RSPH14: variants seen among roughly 807,000 people sequenced by gnomAD.
RSPH14 encodes radial spoke head 14 homolog, also known as rhabdoid tumor deletion region gene 1.
RSPH14 carries 20 observed loss-of-function variants against 26.7 expected under a neutral mutation model. That is an observed-to-expected ratio of 0.75 (90% confidence interval 0.53 to 1.09). RSPH14 has a LOEUF of 1.09. RSPH14 is among the 50% of genes least tolerant of loss of function. The pLI is 0.00. For missense variants in RSPH14, 449 were observed against 457.2 expected (o/e 0.98, Z 0.16); for synonymous variants, 177 against 189.3 (o/e 0.93, Z 0.53).
upstream of RSPH14, among the ~76,000 whole-genome samples, chr22:23,148,443 C>T (rs558562758): frequency 3.9e-5 from 6 of 152,160 alleles, no homozygotes; most frequent in Non-Finnish European, 7.4e-5. Context: ...AGGAGGGTTG[C>T]CTGACATCAC....
At chr22:23,066,758 G>C (rs542636161) in intron 4 of RSPH14, among the ~76,000 whole-genome samples, 2 of 152,262 alleles carry the variant, frequency 1.3e-5, no homozygotes, top group Admixed American at 6.5e-5. Flanking sequence ...CGCTGGGGGT[G>C]GGGGGTGGTT....
At chr22:23,059,923 T>C (rs1569150529) in intron 6 of RSPH14, among the ~76,000 whole-genome samples, 2 of 152,232 alleles carry the variant, frequency 1.3e-5, no homozygotes, top group African/African-American at 4.8e-5. Flanking sequence ...ATCTCCTGCC[T>C]TTCCGGCCTC....
chr22:23,167,702 A>C, the RSPH14 span, among the ~76,000 whole-genome samples: 6 of 150,508 alleles, frequency 4.0e-5, no homozygotes, highest in East Asian at 1.2e-3. Context: ...CTCTTTTTTT[A>C]ATTAATTTAT....
chr22:23,130,222 G>A lies in RSPH14; in HGVS notation c.421+3804C>T, dbSNP rs538067269. On this transcript the variant is annotated intron_variant, in intron 4 of 6. Transcript: ENST00000216036. ...TGTAATCCCAGCACTTTGGGAGGCC[G>A]AGGCAGGCGGATCATGAGGTCAGGA... Among the ~76,000 whole-genome samples the A allele has an allele frequency of 9.8e-3, 1,483 of 151,568 alleles. 13 individuals are homozygous for A. The highest frequency in any genetic ancestry group is 0.015 in the Non-Finnish European group (991 of 67,858).
intron 1 of RSPH14, among the ~76,000 whole-genome samples, chr22:23,140,692 A>G (rs1379564784): frequency 6.6e-6 from 1 of 152,250 alleles, no homozygotes; most frequent in Non-Finnish European, 1.5e-5. Context: ...CCCACACAAT[A>G]GTGCTTCACA....
chr22:23,131,676 T>C (rs1182234426), intron 4 of RSPH14: 1 of 1,298,318 alleles, frequency 7.7e-7, no homozygotes. Flanking sequence ...TTCCTCAGGT[T>C]CCTGCATGGT....
chr22:23,105,169 C>T (rs1053687448), intron 4 of RSPH14, among the ~76,000 whole-genome samples: 1 of 152,198 alleles, frequency 6.6e-6, no homozygotes, highest in Non-Finnish European at 1.5e-5. Flanking sequence ...ACGGCCACAG[C>T]CCCACACACC....
chr22:23,088,878 C>T (rs1396909400), intron 4 of RSPH14, among the ~76,000 whole-genome samples: 1 of 152,230 alleles, frequency 6.6e-6, no homozygotes, highest in African/African-American at 2.4e-5. Context: ...CTTCTGTTAC[C>T]AGCAAAGGTG....
At chr22:23,145,643 C>T (rs1345775759), upstream of RSPH14, 6 of 1,361,558 alleles carry the variant, frequency 4.4e-6, no homozygotes, top group East Asian at 5.0e-5. Flanking sequence ...GCACAGCGTC[C>T]GCGCCCACTT....
intron 4 of RSPH14, among the ~76,000 whole-genome samples, chr22:23,073,805 G>A (rs2068437914): frequency 6.6e-6 from 1 of 152,162 alleles, no homozygotes; most frequent in South Asian, 2.1e-4. Context: ...CAGGTGCAGG[G>A]GTACAGCAGG....
At chr22:23,094,500 T>C (rs955136402) in intron 4 of RSPH14, among the ~76,000 whole-genome samples, 5 of 152,208 alleles carry the variant, frequency 3.3e-5, no homozygotes, top group African/African-American at 1.2e-4. Flanking sequence ...GGAGCCACTG[T>C]GACATCTGGT....
At chr22:23,155,245 A>G in the RSPH14 span, among the ~76,000 whole-genome samples, 4 of 152,216 alleles carry the variant, frequency 2.6e-5, no homozygotes, top group African/African-American at 7.2e-5. Flanking sequence ...TTGGGGAACA[A>G]TTTTCCGACT....
At chr22:23,131,728 C>G in intron 4 of RSPH14, 1 of 891,382 alleles carries the variant, frequency 1.1e-6, no homozygotes, top group South Asian at 1.4e-5. Flanking sequence ...CACTGGTCCC[C>G]CATGGATCAC....
the RSPH14 span, among the ~76,000 whole-genome samples, chr22:23,168,140 A>C: frequency 6.6e-6 from 1 of 151,732 alleles, no homozygotes; most frequent in Non-Finnish European, 1.5e-5. Flanking sequence ...GCATTCTCCC[A>C]TTCACTCCTC....
the RSPH14 span, among the ~76,000 whole-genome samples, chr22:23,165,929 G>A: frequency 2.9e-4 from 44 of 152,172 alleles, no homozygotes; most frequent in South Asian, 2.7e-3. Context: ...GGCGGATCAC[G>A]AGGTCAGGAG....
chr22:23,072,144 C>T (rs1349732091), intron 4 of RSPH14, among the ~76,000 whole-genome samples: 1 of 152,194 alleles, frequency 6.6e-6, no homozygotes, highest in Non-Finnish European at 1.5e-5. Context: ...CTCCCTCGGG[C>T]ACAGCCAGGG....
intron 4 of RSPH14, among the ~76,000 whole-genome samples, chr22:23,112,896 G>A (rs1706194978): frequency 6.6e-6 from 1 of 152,176 alleles, no homozygotes; most frequent in African/African-American, 2.4e-5. Flanking sequence ...CTCCAGCTGG[G>A]CAGAGCTACC....
At chr22:23,130,146 A>AGAAAGAAAGAAG (rs1661742547) in intron 4 of RSPH14, among the ~76,000 whole-genome samples, 1 of 126,116 alleles carries the variant, frequency 7.9e-6, no homozygotes, top group Admixed American at 8.0e-5. Context: ...AAAGAAAGAA[A>AGAAAGAAAGAAG]GAAAGAAAGA....
chr22:23,090,992 G>A (rs898530396), intron 4 of RSPH14, among the ~76,000 whole-genome samples: 5 of 152,154 alleles, frequency 3.3e-5, no homozygotes, highest in South Asian at 2.1e-4. Context: ...TGCCCCAGTC[G>A]CCTCAGCCTA....
Sources: allele counts gnomAD v4.1 joint callset (sites outside exome capture counted in the v4.1 genomes callset), GRCh38; gene constraint gnomAD v4.1.1; transcripts MANE v1.5; gene names NCBI Gene and HGNC (gene_info 2026-07-23, HGNC 2026-07-21).